Variants in JAK2 observed in about 807,000 individuals in gnomAD.
The protein encoded by JAK2 is Janus kinase 2, also known as tyrosine-protein kinase JAK2.
In JAK2, 86 loss-of-function variants were observed where a neutral mutation model predicts 139.3. The ratio of observed to expected loss-of-function variants is 0.62; its 90% CI spans 0.52 to 0.74. The LOEUF is 0.74. Ranked by LOEUF, JAK2 falls within the 30% of genes least tolerant of loss-of-function variation. The probability of loss-of-function intolerance (pLI) is 0.00; values close to 1 mark genes in which losing one functional copy is unlikely to be tolerated. For synonymous variants in JAK2, 490 were observed against 437.7 expected (o/e 1.12, Z -1.49); for missense variants, 1,421 against 1,360.3 (o/e 1.04, Z -0.70).
Position 5,128,975 on chromosome 9 carries a change from C to CTTGT in JAK2, c.*2188_*2191dup, listed in dbSNP as rs575746584. Among the ~76,000 whole-genome samples, 8 of 151,884 alleles carry CTTGT rather than the reference C, an allele frequency of 5.3e-5. No homozygotes were observed. The highest frequency in any genetic ancestry group is 1.2e-4 in the Non-Finnish European group (8 of 67,844). The stretch of plus-strand genomic sequence containing the variant: ...ATATAAATGACTTTTTCCATGGGTA[C>CTTGT]TTGTTTGGAAAATAGTCACTTTTTC... On this transcript the variant is annotated 3_prime_UTR_variant, in exon 25 of 25. Coordinates refer to ENST00000381652, the MANE Select transcript of JAK2 (RefSeq NM_004972.4).
chr9:5,031,476 G>C (rs914241456), intron 4 of JAK2, among the ~76,000 whole-genome samples: 4 of 152,158 alleles, frequency 2.6e-5, no homozygotes, highest in Non-Finnish European at 4.4e-5. Flanking sequence ...GGAAGGGAGA[G>C]ATTAGTCAAC....
intron 4 of JAK2, among the ~76,000 whole-genome samples, chr9:5,037,100 G>T (rs1816101837): frequency 6.6e-6 from 1 of 152,052 alleles, no homozygotes; most frequent in South Asian, 2.1e-4. Context: ...CAAAAGACAT[G>T]AAAAAATGCT....
chr9:5,078,497 G>C (rs1819464133), intron 16 of JAK2, 53 bp downstream of exon 16: 1 of 1,387,846 alleles, frequency 7.2e-7, no homozygotes, highest in African/African-American at 1.4e-5. Context: ...TTGGGCAGTG[G>C]TGTAAAGGGC....
At chr9:5,115,377 G>C (rs557241221) in intron 22 of JAK2, among the ~76,000 whole-genome samples, 3 of 152,310 alleles carry the variant, frequency 2.0e-5, no homozygotes, top group African/African-American at 4.8e-5. Flanking sequence ...TCTCATGCCA[G>C]TTAGAATGGC....
At position 5,029,889 on chromosome 9, in the gene JAK2, T is replaced by C; in HGVS notation, c.333T>C (p.Asn111=). Residue 111 remains asparagine, a synonymous_variant, in exon 4 of 25, where the codon AAT becomes AAC. Coordinates refer to ENST00000381652, the MANE Select transcript of JAK2 (RefSeq NM_004972.4). Reference sequence around the variant, plus strand: ...ATATAGATGAGTCAACCAGGCATAATGTACTCTACAGAATAAGGTACTTTC... The same window carrying C: ...ATATAGATGAGTCAACCAGGCATAACGTACTCTACAGAATAAGGTACTTTC... The part of the protein sequence containing the change: ...VFHIDESTRH[N]VLYRIRFYFP... 3 of 1,610,024 alleles carry C rather than the reference T, an allele frequency of 1.9e-6. No homozygotes were observed. The highest frequency in any genetic ancestry group is 1.3e-5 in the African/African-American group (1 of 74,908).
intron 5 of JAK2, among the ~76,000 whole-genome samples, chr9:5,049,295 A>G (rs1345778731): frequency 6.6e-6 from 1 of 152,234 alleles, no homozygotes; most frequent in Non-Finnish European, 1.5e-5. Context: ...AGGTCATTCA[A>G]GGGTACCTGC....
intron 2 of JAK2, among the ~76,000 whole-genome samples, chr9:5,015,667 C>T (rs1406363876): frequency 2.0e-5 from 3 of 151,786 alleles, no homozygotes; most frequent in Admixed American, 6.6e-5. Context: ...TCTTTCTCGT[C>T]ATGTACTTCC....
At chr9:5,045,042 G>C (rs141188759) in intron 5 of JAK2, among the ~76,000 whole-genome samples, 24 of 152,264 alleles carry the variant, frequency 1.6e-4, no homozygotes, top group African/African-American at 5.8e-4. Flanking sequence ...CACTAATACA[G>C]TTATGTCAAA....
At chr9:5,030,456 T>C (rs1823071219) in intron 4 of JAK2, among the ~76,000 whole-genome samples, 1 of 152,152 alleles carries the variant, frequency 6.6e-6, no homozygotes, top group African/African-American at 2.4e-5. Flanking sequence ...GTCTCACAAA[T>C]ACCTGTGATT....
intron 19 of JAK2, 58 bp from the exon 20 acceptor site, chr9:5,089,611 AAATTT>A: frequency 1.4e-6 from 1 of 731,488 alleles, no homozygotes. Flanking sequence ...TATAATTATA[AAATTT>A]ATTTGTAATT....
intron 20 of JAK2, 22 bp downstream of exon 20, chr9:5,089,885 A>ATTTTAAATTCAAGG: frequency 7.0e-7 from 1 of 1,429,740 alleles, no homozygotes; most frequent in Middle Eastern, 2.2e-4. Context: ...ATTGAAACCT[A>ATTTTAAATTCAAGG]TTTTAAATTC....
Position 5,126,863 on chromosome 9 carries a change from CTAT to C in JAK2, c.*78_*80del, listed in dbSNP as rs1824034150. 3.7e-6 allele frequency: 3 copies of C among 820,740 alleles called. No homozygotes were observed. Among genetic ancestry groups the C allele is most frequent in the African/African-American group, 1.8e-5 (1 of 57,060 alleles). The allele number at this position is 820,740 out of a possible 1,614,324, so 50.8% of individuals were successfully genotyped here. A position where few individuals can be genotyped will look rare whatever the true frequency, so the allele number is the denominator to read the frequency against. On this transcript the variant is annotated 3_prime_UTR_variant, in exon 25 of 25. Transcript: ENST00000381652. ...GTTTTATATTTCACATTGCTGTGGA[CTAT>C]TATTACATATATCATTATTATATAA...
At position 5,090,886 on chromosome 9, in the gene JAK2, G is replaced by T; in HGVS notation, c.3034G>T (p.Glu1012Ter). Residue 1012 changes from glutamate (E) to a stop codon, truncating the protein, a stop_gained, in exon 22 of 25, where the codon GAA becomes TAA. Transcript: ENST00000381652. LOFTEE classifies it high-confidence loss of function. ...PQDKEYYKVK[E>*]PGESPIFWYA... is the part of the protein sequence containing the mutation. ...AGACAAAGAATACTATAAAGTAAAA[G>T]AACCTGGTGAAAGTCCCATATTCTG... The T allele has an allele frequency of 6.2e-7, 1 of 1,605,444 alleles. No homozygotes were observed. Among genetic ancestry groups the T allele is most frequent in the Middle Eastern group, 1.7e-4 (1 of 5,902 alleles).
At chr9:5,112,740 T>A (rs1822729240) in intron 22 of JAK2, 1 of 712,570 alleles carries the variant, frequency 1.4e-6, no homozygotes, top group Non-Finnish European at 2.1e-6. Flanking sequence ...ACAGCCTGTT[T>A]GAAACGGCGA....
intron 22 of JAK2, chr9:5,112,866 G>T (rs1394814432): frequency 6.6e-6 from 3 of 455,932 alleles, no homozygotes; most frequent in Non-Finnish European, 1.1e-5. Flanking sequence ...CGCCTCCGTG[G>T]GACGAGCCAC....
chr9:4,995,224 G>T (rs1272342363), intron 2 of JAK2, among the ~76,000 whole-genome samples: 1 of 152,080 alleles, frequency 6.6e-6, no homozygotes, highest in Non-Finnish European at 1.5e-5. Flanking sequence ...TTGGATTTGT[G>T]GTCCTTTTAC....
intron 22 of JAK2, chr9:5,099,917 C>T (rs774969834): frequency 9.9e-5 from 15 of 152,152 alleles, no homozygotes; most frequent in East Asian, 1.9e-4. Context: ...TGCTTTAAAA[C>T]GAAAAACTCC....
chr9:5,028,981 C>T (rs908045637), intron 3 of JAK2, among the ~76,000 whole-genome samples: 1 of 152,178 alleles, frequency 6.6e-6, no homozygotes, highest in Non-Finnish European at 1.5e-5. Flanking sequence ...TTTTTAATTT[C>T]ATTCAAAAAC....
chr9:5,037,300 G>A (rs563098997), intron 4 of JAK2, among the ~76,000 whole-genome samples: 4 of 152,242 alleles, frequency 2.6e-5, no homozygotes, highest in South Asian at 2.1e-4. Context: ...TCAGTGTGGC[G>A]ATTCCTCAGG....
Sources: gnomAD v4.1 joint callset for allele counts (sites outside exome capture counted in the v4.1 genomes callset) on GRCh38, gnomAD v4.1.1 for gene constraint, MANE v1.5 for transcripts, NCBI Gene and HGNC (gene_info 2026-07-23, HGNC 2026-07-21) for gene names.